The following SOX6 variants were observed in gnomAD, a reference collection of about 807,000 sequenced individuals.
SOX6 encodes transcription factor SOX-6.
SOX6 carries 11 observed loss-of-function variants against 97.8 expected under a neutral mutation model. The ratio of observed to expected loss-of-function variants is 0.11; its 90% CI spans 0.07 to 0.19. The LOEUF (loss-of-function observed/expected upper bound fraction) is 0.19. Among genes scored for constraint, SOX6 ranks in the 10% least tolerant of loss-of-function variants. The pLI is 1.00. For missense variants in SOX6, 810 were observed against 1,039.5 expected (o/e 0.78, Z 3.04); for synonymous variants, 360 against 371.4 (o/e 0.97, Z 0.35).
At chr11:16,392,165 T>C (rs1370292288) in intron 1 of SOX6, among the ~76,000 whole-genome samples, 2 of 152,110 alleles carry the variant, frequency 1.3e-5, no homozygotes, top group Non-Finnish European at 2.9e-5. Context: ...TTCTATGTAA[T>C]GGTATATATT....
chr11:16,542,667 T>G (rs1590239140), intron 4 of SOX6, among the ~76,000 whole-genome samples: 2 of 152,148 alleles, frequency 1.3e-5, no homozygotes, highest in African/African-American at 4.8e-5. Context: ...CTTGAATTAT[T>G]AATTAAACAG....
chr11:16,138,515 A>AT (rs977615353), intron 6 of SOX6, among the ~76,000 whole-genome samples: 1 of 151,692 alleles, frequency 6.6e-6, no homozygotes, highest in Non-Finnish European at 1.5e-5. Flanking sequence ...AACCTTAAAA[A>AT]TTTTTTTGTT....
intron 4 of SOX6, among the ~76,000 whole-genome samples, chr11:16,510,829 T>A (rs12418348): frequency 6.6e-6 from 1 of 151,774 alleles, no homozygotes; most frequent in Non-Finnish European, 1.5e-5. Context: ...TCTAGCATAG[T>A]AATTAATTTT....
chr11:16,069,537 T>C (rs1386632743), intron 9 of SOX6, among the ~76,000 whole-genome samples: 2 of 152,250 alleles, frequency 1.3e-5, no homozygotes, highest in Admixed American at 6.5e-5. Flanking sequence ...TAGGATAATT[T>C]AGGTTGTAGA....
chr11:16,631,703 T>A (rs10832655), intron 3 of SOX6, among the ~76,000 whole-genome samples: 5 of 152,056 alleles, frequency 3.3e-5, no homozygotes, highest in Admixed American at 6.5e-5. Context: ...TCTCTTTATC[T>A]CTCAGAAATG....
intron 3 of SOX6, among the ~76,000 whole-genome samples, chr11:16,242,872 G>A (rs955854087): frequency 6.6e-6 from 1 of 151,698 alleles, no homozygotes; most frequent in African/African-American, 2.4e-5. Context: ...TGGTTTTAAG[G>A]ACCCTTTATA....
intron 4 of SOX6, among the ~76,000 whole-genome samples, chr11:16,485,736 A>C (rs1391553326): frequency 6.7e-6 from 1 of 149,908 alleles, no homozygotes; most frequent in Non-Finnish European, 1.5e-5. Flanking sequence ...GTCTCAAAAA[A>C]AAAAAAAATT....
intron 4 of SOX6, among the ~76,000 whole-genome samples, chr11:16,517,542 T>C (rs35563581): frequency 0.15 from 22,693 of 152,162 alleles, 1,771 homozygotes; most frequent in Non-Finnish European, 0.16. Flanking sequence ...ATAGTACTTT[T>C]GCTTTCATTC....
chr11:16,382,225 G>A (rs1325841109), intron 1 of SOX6: 1 of 151,938 alleles, frequency 6.6e-6, no homozygotes, highest in Non-Finnish European at 1.5e-5. Flanking sequence ...CACTTAGCTT[G>A]TAAATAACAA....
At chr11:16,312,748 T>A (rs183934811) in intron 3 of SOX6, 153 of 152,304 alleles carry the variant, frequency 1.0e-3, no homozygotes, top group African/African-American at 3.4e-3. Context: ...GAAGTCCTTT[T>A]TAAAGTATTC....
chr11:16,015,048 T>C lies in SOX6; in HGVS notation c.1626A>G (p.Glu542=). 1 of 1,612,374 alleles carries C rather than the reference T, an allele frequency of 6.2e-7. No homozygotes were observed. The highest frequency in any genetic ancestry group is 8.5e-7 in the Non-Finnish European group (1 of 1,178,904). ...MGLNSCRNEK[E]RTRFENLGPQ... ...GCCCCAAATTCTCAAAGCGCGTTCT[T>C]TCCTAGAGGAACAAATAATCAGAGG... The change falls in exon 13 of 16, where the codon GAA becomes GAG. Residue 542 remains glutamate (E), a splice_region_variant and synonymous_variant. Transcript: ENST00000683767.
At chr11:16,297,473 T>C (rs752675191) in intron 3 of SOX6, among the ~76,000 whole-genome samples, 1 of 152,178 alleles carries the variant, frequency 6.6e-6, no homozygotes, top group Non-Finnish European at 1.5e-5. Context: ...AAAGTGCCCA[T>C]ATTGTAAGGC....
intron 6 of SOX6, among the ~76,000 whole-genome samples, chr11:16,137,482 A>C (rs2134032870): frequency 6.6e-6 from 1 of 152,284 alleles, no homozygotes; most frequent in East Asian, 1.9e-4. Flanking sequence ...GTAAGAGAGT[A>C]AGACACACTG....
chr11:16,227,926 A>G (rs887513481), intron 4 of SOX6, among the ~76,000 whole-genome samples: 5 of 152,164 alleles, frequency 3.3e-5, no homozygotes, highest in African/African-American at 1.2e-4. Context: ...GGCCGGGTGC[A>G]GTGGCTCATG....
chr11:16,113,524 T>A (rs1371532190), intron 6 of SOX6, among the ~76,000 whole-genome samples: 1 of 152,174 alleles, frequency 6.6e-6, no homozygotes, highest in Non-Finnish European at 1.5e-5. Context: ...TCTAGCTTGT[T>A]GTACCCTGAT....
intron 6 of SOX6, among the ~76,000 whole-genome samples, chr11:16,171,903 T>C (rs1473995247): frequency 1.3e-5 from 2 of 151,786 alleles, no homozygotes; most frequent in Non-Finnish European, 2.9e-5. Context: ...TAAATTGTAG[T>C]TGGAAAATGT....
At chr11:16,226,195 A>G (rs1852682066) in intron 4 of SOX6, among the ~76,000 whole-genome samples, 1 of 152,170 alleles carries the variant, frequency 6.6e-6, no homozygotes, top group African/African-American at 2.4e-5. Context: ...TAAGCTAAAG[A>G]AGAGTATACC....
intron 4 of SOX6, among the ~76,000 whole-genome samples, chr11:16,591,793 C>T (rs1238697315): frequency 6.6e-6 from 1 of 152,134 alleles, no homozygotes; most frequent in Non-Finnish European, 1.5e-5. Flanking sequence ...AAATTATTTG[C>T]ATACATTTGT....
upstream of SOX6, among the ~76,000 whole-genome samples, chr11:16,359,898 C>T (rs1857165672): frequency 6.6e-6 from 1 of 152,132 alleles, no homozygotes; most frequent in South Asian, 2.1e-4. Context: ...AACAAAGCTA[C>T]CAATTTATCC....
Sources: gnomAD v4.1 joint callset for allele counts (sites outside exome capture counted in the v4.1 genomes callset) on GRCh38, gnomAD v4.1.1 for gene constraint, MANE v1.5 for transcripts, NCBI Gene and HGNC (gene_info 2026-07-23, HGNC 2026-07-21) for gene names.